Variants in KDM4C observed in about 807,000 individuals in gnomAD.
The protein encoded by KDM4C is lysine-specific demethylase 4C.
Under a neutral mutation model 129.3 loss-of-function variants are expected in KDM4C, and 81 were observed. The observed-to-expected ratio is 0.63, with a 90% CI of 0.52 to 0.75. KDM4C has a LOEUF of 0.75. Among genes scored for constraint, KDM4C ranks in the 30% least tolerant of loss-of-function variants. The pLI, the probability that KDM4C is intolerant of heterozygous loss-of-function variation, is 0.00. For missense variants in KDM4C, 1,457 were observed against 1,304.0 expected, an observed-to-expected ratio of 1.12 and a Z score of -1.81; for synonymous variants, 573 against 456.1, an observed-to-expected ratio of 1.26 and a Z score of -3.26.
chr9:7,125,544 G>C (rs1242126604), intron 18 of KDM4C, among the ~76,000 whole-genome samples: 5 of 152,196 alleles, frequency 3.3e-5, no homozygotes, highest in African/African-American at 1.2e-4. Flanking sequence ...GAATGTCTTT[G>C]TTTGGTTTCT....
At chr9:6,887,785 AT>A (rs1224351182) in intron 6 of KDM4C, among the ~76,000 whole-genome samples, 174 bp from the exon 7 acceptor site, 2 of 152,180 alleles carry the variant, frequency 1.3e-5, no homozygotes, top group African/African-American at 4.8e-5. Flanking sequence ...GTATCCTTTA[AT>A]TTTTAAGAAT....
At chr9:7,023,058 G>T (rs1051384805) in intron 15 of KDM4C, among the ~76,000 whole-genome samples, 3 of 152,124 alleles carry the variant, frequency 2.0e-5, no homozygotes, top group Non-Finnish European at 4.4e-5. Context: ...CTAGTATTTT[G>T]TTGAAGATTT....
intron 1 of KDM4C, among the ~76,000 whole-genome samples, chr9:6,776,912 C>G (rs181982215): frequency 4.8e-4 from 73 of 152,278 alleles, no homozygotes; most frequent in Middle Eastern, 3.4e-3. Context: ...TCAATCCCAC[C>G]TTTTAAAGGC....
intron 3 of KDM4C, among the ~76,000 whole-genome samples, chr9:6,812,487 G>T (rs960440967): frequency 5.9e-5 from 9 of 152,206 alleles, no homozygotes; most frequent in Middle Eastern, 3.4e-3. Context: ...GGATGGTTTC[G>T]GGATGAAACG....
At chr9:6,736,384 C>T (rs1817528844) in intron 1 of KDM4C, among the ~76,000 whole-genome samples, 1 of 152,158 alleles carries the variant, frequency 6.6e-6, no homozygotes, top group Admixed American at 6.6e-5. Flanking sequence ...CCCCTCCCAT[C>T]ACAGGTCCAG....
chr9:7,118,490 G>A (rs1355366784), intron 18 of KDM4C, among the ~76,000 whole-genome samples: 1 of 152,120 alleles, frequency 6.6e-6, no homozygotes, highest in East Asian at 1.9e-4. Context: ...CATACCTTTG[G>A]TAAACGAAGA....
rs950276662 is a variant in KDM4C at position 6,758,683 on chromosome 9, C to A, written c.-18+480C>A. Among the ~76,000 whole-genome samples, 1 of 152,246 alleles carries A rather than the reference C, an allele frequency of 6.6e-6. No individual in the cohort carries two copies. Among genetic ancestry groups the A allele is most frequent in the East Asian group, 1.9e-4 (1 of 5,192 alleles). On this transcript the variant is annotated intron_variant, in intron 1 of 21. Coordinates refer to ENST00000381309, the MANE Select transcript of KDM4C (RefSeq NM_015061.6). This position sits in a 1 kb window ranked among gnomAD's most constrained non-coding sequence, Gnocchi z 4.6. ...GACCACCCGTTGCAGGCAGTCATCCCGTCATTCGGGGTCGTCTTCAGCCCT... is the reference window on the plus strand; with the variant it reads ...GACCACCCGTTGCAGGCAGTCATCCAGTCATTCGGGGTCGTCTTCAGCCCT...
intron 19 of KDM4C, among the ~76,000 whole-genome samples, chr9:7,132,712 C>G (rs1426497795): frequency 6.6e-6 from 1 of 152,194 alleles, no homozygotes; most frequent in Non-Finnish European, 1.5e-5. Context: ...TCCAGGGTCT[C>G]TGTTAGCCTC....
At chr9:6,830,169 A>G (rs932652601) in intron 4 of KDM4C, among the ~76,000 whole-genome samples, 5 of 152,246 alleles carry the variant, frequency 3.3e-5, no homozygotes, top group African/African-American at 7.2e-5. Context: ...CCATGAAGTA[A>G]TATGTACAAT....
chr9:6,800,064 A>C (rs1265456350), intron 2 of KDM4C, among the ~76,000 whole-genome samples: 1 of 151,974 alleles, frequency 6.6e-6, no homozygotes, highest in Non-Finnish European at 1.5e-5. Flanking sequence ...CTTTTCCAAA[A>C]AAAAAATAAA....
intron 8 of KDM4C, among the ~76,000 whole-genome samples, chr9:6,920,832 A>T (rs1317859464): frequency 1.3e-5 from 2 of 152,144 alleles, no homozygotes; most frequent in African/African-American, 4.8e-5. Flanking sequence ...ACCTTCTTTG[A>T]AAGGGACTGG....
intron 19 of KDM4C, among the ~76,000 whole-genome samples, chr9:7,162,301 A>G (rs535425135): frequency 6.6e-6 from 1 of 152,342 alleles, no homozygotes; most frequent in East Asian, 1.9e-4. Context: ...GGCATGAAAG[A>G]TTATGAATTT....
rs985028813 is a variant in KDM4C, at chr9:7,094,882, A to G, written c.2425-8803A>G. 1.1e-4 allele frequency among the ~76,000 whole-genome samples: 17 copies of G among 152,306 alleles called. No homozygotes were observed. The East Asian group carries it at 1.5e-3, about 14-fold the overall frequency. On this transcript the variant is annotated intron_variant, in intron 17 of 21. Transcript: ENST00000381309. ...GTTGTGGCAGGTCACAGACAGAACAATTCATGGGTGACAGTTTCTAATAAG... is the reference window on the plus strand; with the variant it reads ...GTTGTGGCAGGTCACAGACAGAACAGTTCATGGGTGACAGTTTCTAATAAG...
chr9:7,050,243 A>G (rs1444332980), intron 17 of KDM4C, among the ~76,000 whole-genome samples: 2 of 151,162 alleles, frequency 1.3e-5, no homozygotes, highest in Non-Finnish European at 3.0e-5. Flanking sequence ...ACTGATGATT[A>G]CTGTGGCTGA....
At chr9:6,804,904 T>C (rs1352567111) in intron 2 of KDM4C, among the ~76,000 whole-genome samples, 2 of 152,108 alleles carry the variant, frequency 1.3e-5, no homozygotes, top group East Asian at 1.9e-4. Context: ...AATTTCGTCT[T>C]TTTTTGTTTT....
intron 1 of KDM4C, chr9:6,721,270 A>AC (rs1816942157): frequency 9.9e-6 from 1 of 101,144 alleles, no homozygotes; most frequent in Non-Finnish European, 1.9e-5. Context: ...TTTTAAATTA[A>AC]CTTTTTTTTT....
At chr9:7,072,848 C>T (rs1190919833) in intron 17 of KDM4C, among the ~76,000 whole-genome samples, 1 of 152,104 alleles carries the variant, frequency 6.6e-6, no homozygotes, top group Non-Finnish European at 1.5e-5. Context: ...ATTGTACATA[C>T]TTATGGGGTA....
chr9:6,861,117 A>G (rs1051849333), intron 5 of KDM4C, among the ~76,000 whole-genome samples: 6 of 152,204 alleles, frequency 3.9e-5, no homozygotes, highest in African/African-American at 1.4e-4. Flanking sequence ...ATAATTTGTA[A>G]GTTTTTTTGG....
intron 1 of KDM4C, among the ~76,000 whole-genome samples, chr9:6,746,782 G>A (rs1474682568): frequency 2.0e-5 from 3 of 149,702 alleles, no homozygotes; most frequent in African/African-American, 7.3e-5. Flanking sequence ...GCGGAGGTGG[G>A]TGGATCACGA....
Sources: allele counts gnomAD v4.1 joint callset (sites outside exome capture counted in the v4.1 genomes callset), GRCh38; gene constraint gnomAD v4.1.1; non-coding constraint Gnocchi (gnomAD v3.1); transcripts MANE v1.5; gene names NCBI Gene and HGNC (gene_info 2026-07-23, HGNC 2026-07-21).